The following PIKFYVE variants were observed in gnomAD, a reference collection of about 807,000 sequenced individuals.
PIKFYVE encodes the protein phosphoinositide kinase, FYVE-type zinc finger containing.
In PIKFYVE, 122 loss-of-function variants were observed where a neutral mutation model predicts 257.9. That is an observed-to-expected ratio of 0.47 (90% confidence interval 0.41 to 0.55). The LOEUF is 0.55. Among genes scored for constraint, PIKFYVE ranks in the 20% least tolerant of loss-of-function variants. The pLI, the probability that PIKFYVE is intolerant of heterozygous loss-of-function variation, is 0.00. For missense variants in PIKFYVE, 2,160 were observed against 2,536.6 expected, an observed-to-expected ratio of 0.85 and a Z score of 3.19; for synonymous variants, 892 against 868.9, an observed-to-expected ratio of 1.03 and a Z score of -0.47.
At chr2:208,287,816 T>A (rs778148088) in intron 6 of PIKFYVE, among the ~76,000 whole-genome samples, 3 of 152,094 alleles carry the variant, frequency 2.0e-5, no homozygotes, top group Non-Finnish European at 4.4e-5. Flanking sequence ...GCCAGGCTGG[T>A]CTCGAATTCC....
At chr2:208,351,089 A>G in intron 37 of PIKFYVE, 142 bp downstream of exon 37, 3 of 1,205,148 alleles carry the variant, frequency 2.5e-6, no homozygotes, top group Non-Finnish European at 3.5e-6. Flanking sequence ...ATAAAGTTTT[A>G]TTTAGTAGTT....
chr2:208,279,244 G>A (rs771549425), intron 5 of PIKFYVE, among the ~76,000 whole-genome samples: 1 of 152,000 alleles, frequency 6.6e-6, no homozygotes, highest in Non-Finnish European at 1.5e-5. Context: ...AATTTTTAAT[G>A]GGGTCATTTG....
At position 208,348,599 on chromosome 2, in the gene PIKFYVE, AGTGTGTGT is replaced by A. The variant is rs35997291; in HGVS notation, c.5374+607_5374+614del. 2.5e-3 allele frequency among the ~76,000 whole-genome samples: 317 copies of A among 129,002 alleles called. 3 individuals are homozygous for A. Among genetic ancestry groups the A allele is most frequent in the African/African-American group, 7.9e-3 (266 of 33,694 alleles). The allele number at this position is 129,002 out of a possible 152,430, so 84.6% of individuals were successfully genotyped here. ...CCTCTGTCTCTACCAAAAAAAAAAA[AGTGTGTGT>A]GTGTGTGTGTGTGTGTGTGTGTGTG... On this transcript the variant is annotated intron_variant, in intron 35 of 41. Coordinates refer to ENST00000264380, the MANE Select transcript of PIKFYVE (RefSeq NM_015040.4).
At chr2:208,338,707 A>T in intron 29 of PIKFYVE, 139 bp downstream of exon 29, 2 of 762,780 alleles carry the variant, frequency 2.6e-6, no homozygotes, top group Non-Finnish European at 4.6e-6. Context: ...AGCACTTGTA[A>T]TCCTATCAGA....
At chr2:208,314,010 G>C (rs6761487) in intron 13 of PIKFYVE, among the ~76,000 whole-genome samples, 4,401 of 152,226 alleles carry the variant, frequency 0.029, 201 homozygotes, top group African/African-American at 0.099. Context: ...TCTTAGTTAC[G>C]TACATTTGAT....
chr2:208,351,094 G>T (rs1194787477), intron 37 of PIKFYVE, 147 bp downstream of exon 37: 8 of 1,187,314 alleles, frequency 6.7e-6, no homozygotes, highest in Admixed American at 2.3e-5. Flanking sequence ...GTTTTATTTA[G>T]TAGTTTTAAA....
chr2:208,273,925 T>C, intron 3 of PIKFYVE, 192 bp downstream of exon 3: 1 of 1,459,152 alleles, frequency 6.9e-7, no homozygotes, highest in Non-Finnish European at 9.4e-7. Flanking sequence ...TATTGACACC[T>C]GAAAAAATTC....
In PIKFYVE at chr2:208,326,572, T is replaced by C. The variant is rs1696947337; in HGVS notation, c.3618+143T>C. ...CTCCTATGCTATTTTTGTTTTTGTC[T>C]TGAGTCTGCTGGCTTATGTGTTACT... On this transcript the variant is annotated intron_variant, in intron 20 of 41. Transcript: ENST00000264380. 3 of 903,604 alleles carry C rather than the reference T, an allele frequency of 3.3e-6. No individual in the cohort carries two copies. In the Admixed American group the frequency reaches 6.3e-5, roughly 19 times the overall value. 56.0% of individuals were successfully genotyped at this position (903,604 alleles called of 1,614,324 possible).
At chr2:208,267,502 G>T (rs1252748485) in intron 1 of PIKFYVE, among the ~76,000 whole-genome samples, 6 of 109,130 alleles carry the variant, frequency 5.5e-5, no homozygotes, top group South Asian at 2.9e-4. Context: ...TACATTGCCA[G>T]TTTTTTTTTT....
At chr2:208,342,735 T>C (rs1348663031) in intron 32 of PIKFYVE, 86 bp downstream of exon 32, 2 of 1,067,128 alleles carry the variant, frequency 1.9e-6, no homozygotes, top group African/African-American at 3.1e-5. Flanking sequence ...ATCTTTCACA[T>C]AAAGCAAAAT....
In PIKFYVE at chr2:208,350,033, A is replaced by G. The variant is rs145556414; in HGVS notation, c.5384A>G (p.Asp1795Gly). The change falls in exon 36 of 42, where the codon GAT becomes GGT. Residue 1795 changes from aspartate (D) to glycine (G), a missense_variant. Transcript: ENST00000264380. Reference protein sequence around the residue: ...NQGVEPQDEVDGGDTQKKQLI... With the variant: ...NQGVEPQDEVGGGDTQKKQLI... ...ATATTAAACCTTTTAGATGAAGTAG[A>G]TGGAGGAGATACACAAAAGAAGCAA... 7.4e-6 allele frequency: 12 copies of G among 1,612,080 alleles called. No homozygotes were observed. Among genetic ancestry groups the G allele is most frequent in the South Asian group, 1.1e-5 (1 of 90,994 alleles).
At chr2:208,343,146 T>C (rs1010412597) in intron 32 of PIKFYVE, among the ~76,000 whole-genome samples, 1 of 152,200 alleles carries the variant, frequency 6.6e-6, no homozygotes, top group African/African-American at 2.4e-5. Flanking sequence ...TAATGAAGTA[T>C]AGGATGATTC....
chr2:208,273,010 T>G (rs1689639197), intron 2 of PIKFYVE, among the ~76,000 whole-genome samples: 1 of 152,208 alleles, frequency 6.6e-6, no homozygotes, highest in South Asian at 2.1e-4. Context: ...TCTTTTTATA[T>G]TCTAGGATCC....
chr2:208,309,164 CT>C (rs1694687946), intron 12 of PIKFYVE, among the ~76,000 whole-genome samples: 1 of 151,692 alleles, frequency 6.6e-6, no homozygotes, highest in Admixed American at 6.6e-5. Context: ...TTGGTCAGCA[CT>C]TTTAATGTTT....
chr2:208,344,639 A>G (rs1699056325), intron 32 of PIKFYVE, among the ~76,000 whole-genome samples: 1 of 151,932 alleles, frequency 6.6e-6, no homozygotes, highest in Non-Finnish European at 1.5e-5. Context: ...ACATTTATCT[A>G]AAGCAGGGTT....
chr2:208,316,774 C>G (rs1224699810), intron 15 of PIKFYVE, among the ~76,000 whole-genome samples: 3 of 152,064 alleles, frequency 2.0e-5, no homozygotes, highest in African/African-American at 7.2e-5. Context: ...GGTACTGGTA[C>G]CAAAATAGAG....
At chr2:208,332,630 G>A (rs1031606841) in intron 23 of PIKFYVE, among the ~76,000 whole-genome samples, 9 of 152,094 alleles carry the variant, frequency 5.9e-5, no homozygotes, top group African/African-American at 2.2e-4. Flanking sequence ...GAAAAGTTGT[G>A]CAAGAATATT....
intron 1 of PIKFYVE, among the ~76,000 whole-genome samples, chr2:208,270,879 C>T (rs914677250): frequency 4.0e-5 from 6 of 151,708 alleles, no homozygotes; most frequent in African/African-American, 1.5e-4. Flanking sequence ...ACTGAAAATA[C>T]AAAAAATTAA....
intron 3 of PIKFYVE, among the ~76,000 whole-genome samples, 193 bp from the exon 4 acceptor site, chr2:208,276,519 T>G (rs1242702752): frequency 6.6e-6 from 1 of 152,174 alleles, no homozygotes; most frequent in Non-Finnish European, 1.5e-5. Context: ...AAACAGCATT[T>G]TACATGAGAA....
Sources: allele counts gnomAD v4.1 joint callset (sites outside exome capture counted in the v4.1 genomes callset), GRCh38; gene constraint gnomAD v4.1.1; transcripts MANE v1.5; gene names NCBI Gene and HGNC (gene_info 2026-07-23, HGNC 2026-07-21).